Variants in FGF13 observed in about 807,000 individuals in gnomAD.
FGF13 encodes fibroblast growth factor homologous factor 2.
FGF13 carries 2 observed loss-of-function variants against 19.5 expected under a neutral mutation model. The observed-to-expected ratio is 0.10, with a 90% CI of 0.04 to 0.32. The LOEUF (loss-of-function observed/expected upper bound fraction) is 0.32, where lower values mean the gene tolerates loss of function less well. Ranked by LOEUF, FGF13 falls within the 10% of genes least tolerant of loss-of-function variation. The pLI, the probability that FGF13 is intolerant of heterozygous loss-of-function variation, is 1.00. For synonymous variants in FGF13, 72 were observed against 76.9 expected, an observed-to-expected ratio of 0.94 and a Z score of 0.33; for missense variants, 113 against 192.7, an observed-to-expected ratio of 0.59 and a Z score of 2.45.
chrX:138,752,954 G>C (rs980625582), intron 3 of FGF13, among the ~76,000 whole-genome samples: 8 of 112,089 alleles, frequency 7.1e-5, no homozygotes, highest in Non-Finnish European at 1.5e-4. Context: ...ATTTTTTATA[G>C]TTGAAACATG....
At chrX:139,024,349 C>A (rs1307891602) in intron 1 of FGF13, among the ~76,000 whole-genome samples, 1 of 111,271 alleles carries the variant, frequency 9.0e-6, no homozygotes, top group East Asian at 2.9e-4. Context: ...CTCTGGACTC[C>A]AAGAGCTCTC....
At position 138,710,805 on chromosome X, in the gene FGF13, G is replaced by A. The variant is rs2187754; in HGVS notation, c.187+12C>T. 0.011 allele frequency: 13,610 copies of A among 1,209,495 alleles called. 569 individuals are homozygous for A. The African/African-American group carries it at 0.16, about 14-fold the overall frequency. On this transcript the variant is annotated intron_variant, in intron 1 of 4. Transcript: ENST00000315930. ...AAAGTATGGGGAAAAGAAAGCAAAA[G>A]CCCTTTCCGACCTGGTCTTCTTCTG...
Position 138,954,079 on chromosome X carries a change from T to C in FGF13, c.-112-89429A>G, listed in dbSNP as rs368941040. Among the ~76,000 whole-genome samples, 13 of 82,622 alleles carry C rather than the reference T, an allele frequency of 1.6e-4. No homozygotes were observed. The East Asian group carries it at 5.2e-3, about 33-fold the overall frequency. The allele number at this position is 82,622 out of a possible 115,157, so 71.7% of individuals were successfully genotyped here. On this transcript the variant is annotated intron_variant, in intron 1 of 2. Coordinates refer to the FGF13 transcript ENST00000421460. ...TTACACCAAATATTGGTGCATTTCA[T>C]AGTATGTAAATTTAACGAGAGAGAG...
intron 1 of FGF13, among the ~76,000 whole-genome samples, chrX:138,988,918 C>G (rs1327881393): frequency 9.0e-6 from 1 of 111,501 alleles, no homozygotes; most frequent in Non-Finnish European, 1.9e-5. Context: ...GAAATATATA[C>G]AAATATCCTG....
At chrX:138,768,781 C>T (rs766328463) in intron 3 of FGF13, among the ~76,000 whole-genome samples, 4 of 101,505 alleles carry the variant, frequency 3.9e-5, no homozygotes, top group African/African-American at 1.5e-4. Context: ...AGTCTCTGGG[C>T]CAACAGCCTA....
At chrX:138,898,974 C>T (rs185807017) in intron 1 of FGF13, among the ~76,000 whole-genome samples, 3 of 111,718 alleles carry the variant, frequency 2.7e-5, no homozygotes, top group African/African-American at 9.8e-5. Flanking sequence ...GAGGAAAAAT[C>T]TTTCTGGTGT....
intron 3 of FGF13, among the ~76,000 whole-genome samples, chrX:138,832,190 T>C (rs1244753494): frequency 8.9e-6 from 1 of 112,334 alleles, no homozygotes; most frequent in African/African-American, 3.2e-5. Context: ...AATGGGATTG[T>C]TGAGTTGAAT....
At chrX:138,729,981 T>A (rs1365003099) in intron 1 of FGF13, among the ~76,000 whole-genome samples, 1 of 110,995 alleles carries the variant, frequency 9.0e-6, no homozygotes, top group Non-Finnish European at 1.9e-5. Context: ...AAATAAGTTT[T>A]CAGAAAAAAA....
intron 3 of FGF13, among the ~76,000 whole-genome samples, chrX:138,786,584 G>A (rs1358717225): frequency 9.0e-6 from 1 of 111,675 alleles, no homozygotes; most frequent in Non-Finnish European, 1.9e-5. Context: ...GCCTCTCAGA[G>A]TTTGTCAGAA....
intron 1 of FGF13, among the ~76,000 whole-genome samples, chrX:139,145,645 C>T (rs2083882101): frequency 9.1e-6 from 1 of 110,058 alleles, no homozygotes; most frequent in Admixed American, 9.7e-5. Context: ...CCTCTCATCC[C>T]TTCCTCTACC....
At chrX:139,142,429 T>C (rs2083852617) in intron 1 of FGF13, among the ~76,000 whole-genome samples, 1 of 111,811 alleles carries the variant, frequency 8.9e-6, no homozygotes, top group Admixed American at 9.5e-5. Context: ...AGCAAAGTAC[T>C]CTCTTCAGGA....
At chrX:139,200,694 T>C (rs1446940639) in intron 1 of FGF13, among the ~76,000 whole-genome samples, 1 of 112,376 alleles carries the variant, frequency 8.9e-6, no homozygotes, top group Non-Finnish European at 1.9e-5. Flanking sequence ...ACTCCAAACA[T>C]GTAGCCACAA....
At chrX:138,898,201 AG>A (rs2091513513) in intron 1 of FGF13, among the ~76,000 whole-genome samples, 1 of 111,635 alleles carries the variant, frequency 9.0e-6, no homozygotes, top group South Asian at 3.8e-4. Flanking sequence ...GGAGAAAGGG[AG>A]GGGGTATGAA....
chrX:138,780,550 G>T (rs751411247), intron 3 of FGF13, among the ~76,000 whole-genome samples: 1 of 88,788 alleles, frequency 1.1e-5, no homozygotes, highest in Non-Finnish European at 2.2e-5. Flanking sequence ...AACCAACAAA[G>T]ATCAAAAGAG....
intron 1 of FGF13, among the ~76,000 whole-genome samples, chrX:139,173,412 T>A (rs2084150254): frequency 9.1e-6 from 1 of 110,368 alleles, no homozygotes; most frequent in Admixed American, 9.7e-5. Flanking sequence ...TAAATGTTTT[T>A]AAAATTATAC....
At chrX:138,780,991 T>G (rs2090636830) in intron 3 of FGF13, among the ~76,000 whole-genome samples, 1 of 111,010 alleles carries the variant, frequency 9.0e-6, no homozygotes, top group Non-Finnish European at 1.9e-5. Flanking sequence ...GCAATCAAAC[T>G]AGAACTCAGG....
At chrX:139,103,152 G>T (rs1191806927) in intron 1 of FGF13, among the ~76,000 whole-genome samples, 1 of 111,932 alleles carries the variant, frequency 8.9e-6, no homozygotes, top group Non-Finnish European at 1.9e-5. Context: ...AACCAGTGAT[G>T]ACTTCTAATT....
intron 1 of FGF13, among the ~76,000 whole-genome samples, chrX:138,899,003 G>T (rs961735241): frequency 9.0e-6 from 1 of 111,450 alleles, no homozygotes; most frequent in African/African-American, 3.3e-5. Flanking sequence ...ACACTGGTGG[G>T]ACTGGCCTCC....
At chrX:138,738,718 T>C (rs2090298186) in intron 1 of FGF13, among the ~76,000 whole-genome samples, 1 of 112,113 alleles carries the variant, frequency 8.9e-6, no homozygotes, top group Non-Finnish European at 1.9e-5. Context: ...CCTAATAAGT[T>C]TGTCAAAATT....
Sources: gnomAD v4.1 joint callset for allele counts (sites outside exome capture counted in the v4.1 genomes callset) on GRCh38, gnomAD v4.1.1 for gene constraint, MANE v1.5 for transcripts, NCBI Gene and HGNC (gene_info 2026-07-23, HGNC 2026-07-21) for gene names.